The following TTC1 variants were observed in gnomAD, a reference collection of about 807,000 sequenced individuals.
TTC1 encodes tetratricopeptide repeat domain 1.
Under a neutral mutation model 37.6 loss-of-function variants are expected in TTC1, and 31 were observed. That is an observed-to-expected ratio of 0.82 (90% CI 0.62 to 1.11). The LOEUF (loss-of-function observed/expected upper bound fraction) is 1.11. TTC1 is among the 50% of genes most tolerant of loss of function. TTC1 has a pLI of 0.00. For synonymous variants in TTC1, 127 were observed against 122.4 expected, an observed-to-expected ratio of 1.04 and a Z score of -0.25; for missense variants, 351 against 339.0, an observed-to-expected ratio of 1.04 and a Z score of -0.28.
At chr5:160,022,980 G>A (rs769922579) in intron 2 of TTC1, among the ~76,000 whole-genome samples, 2 of 152,174 alleles carry the variant, frequency 1.3e-5, no homozygotes, top group Non-Finnish European at 2.9e-5. Flanking sequence ...AATTGGCCGG[G>A]TGCAGTGGCT....
chr5:160,023,183 T>C (rs1028282097), intron 2 of TTC1, among the ~76,000 whole-genome samples: 1 of 149,568 alleles, frequency 6.7e-6, no homozygotes, highest in Non-Finnish European at 1.5e-5. Flanking sequence ...TTGAACCCGG[T>C]AGGCGGAGGT....
At chr5:160,014,543 C>A (rs1307180515) in intron 2 of TTC1, among the ~76,000 whole-genome samples, 1 of 151,528 alleles carries the variant, frequency 6.6e-6, no homozygotes, top group South Asian at 2.1e-4. Context: ...TTTTAAAAAG[C>A]CTTTAAAAAT....
chr5:160,061,051 GT>G (rs1753372589), intron 7 of TTC1, among the ~76,000 whole-genome samples: 1 of 152,236 alleles, frequency 6.6e-6, no homozygotes, highest in Admixed American at 6.5e-5. Context: ...CAAGCTGTCA[GT>G]GGCCTCCTGT....
rs187383426 is a variant in TTC1, at chr5:160,025,265, C to T, written c.331-9875C>T. Among the ~76,000 whole-genome samples the T allele has an allele frequency of 1.2e-3, 179 of 152,266 alleles. 1 individual carries two copies. The highest frequency in any genetic ancestry group is 2.0e-3 in the Non-Finnish European group (137 of 68,008). ...CTGGTCTCGAACTCCTGACCTCAGG[C>T]AATCCACCTGCCTTGGCCTCCCAAA... On this transcript the variant is annotated intron_variant, in intron 2 of 7. Transcript: ENST00000231238.
At chr5:160,033,648 G>T (rs1581101279) in intron 2 of TTC1, among the ~76,000 whole-genome samples, 1 of 152,324 alleles carries the variant, frequency 6.6e-6, no homozygotes, top group Non-Finnish European at 1.5e-5. Flanking sequence ...GGAAAGTGAA[G>T]AGAAAGCTGA....
At position 160,049,536 on chromosome 5, in the gene TTC1, T is replaced by C; in HGVS notation, c.564T>C (p.Tyr188=). ...CAGCAATTCAATTAAACCCCAGCTA[T>C]ATCAGGGCAATATTGAGGAGAGCAG... ...CSKAIQLNPS[Y]IRAILRRAEL... Residue 188 remains tyrosine, a synonymous_variant, in exon 6 of 8, where the codon TAT becomes TAC. Coordinates refer to ENST00000231238, the MANE Select transcript of TTC1 (RefSeq NM_003314.3). 3 of 1,580,360 alleles carry C rather than the reference T, an allele frequency of 1.9e-6. No individual in the cohort carries two copies. The highest frequency in any genetic ancestry group is 2.6e-6 in the Non-Finnish European group (3 of 1,168,786).
intron 5 of TTC1, among the ~76,000 whole-genome samples, chr5:160,045,275 A>C (rs1561634525): frequency 6.6e-6 from 1 of 152,128 alleles, no homozygotes; most frequent in East Asian, 1.9e-4. Flanking sequence ...AAATGAGGGA[A>C]AGGAGAAGAA....
intron 5 of TTC1, among the ~76,000 whole-genome samples, chr5:160,044,075 G>A (rs533386137): frequency 7.2e-5 from 11 of 152,092 alleles, no homozygotes; most frequent in African/African-American, 2.2e-4. Context: ...TTTTTCTTGC[G>A]GCTTAGTCTC....
Position 160,057,772 on chromosome 5 carries a change from G to A in TTC1, c.745+6589G>A, listed in dbSNP as rs999831062. On this transcript the variant is annotated intron_variant, in intron 7 of 7. Coordinates refer to ENST00000231238, the MANE Select transcript of TTC1 (RefSeq NM_003314.3). This position sits in a 1 kb window ranked among gnomAD's most constrained non-coding sequence, Gnocchi z 4.4. ...TTATGTAATATTTGGGGGTTTGTGCGTGTGTGTGTGTGTGTGACACAGAGC... is the reference window on the plus strand; with the variant it reads ...TTATGTAATATTTGGGGGTTTGTGCATGTGTGTGTGTGTGTGACACAGAGC... Among the ~76,000 whole-genome samples, 22 of 150,434 alleles carry A rather than the reference G, an allele frequency of 1.5e-4. No individual in the cohort carries two copies. The highest frequency in any genetic ancestry group is 9.7e-5 in the African/African-American group (4 of 41,088).
chr5:160,013,525 A>G (rs533014799), intron 2 of TTC1, among the ~76,000 whole-genome samples: 1 of 151,948 alleles, frequency 6.6e-6, no homozygotes, highest in African/African-American at 2.4e-5. Flanking sequence ...CGGGCGGATC[A>G]TGAGGTCAGG....
chr5:160,019,534 G>A lies in TTC1; in HGVS notation c.330+8676G>A, dbSNP rs570881075. Among the ~76,000 whole-genome samples, 7 of 150,434 alleles carry A rather than the reference G, an allele frequency of 4.7e-5. No individual in the cohort carries two copies. The East Asian group carries it at 5.8e-4, about 13-fold the overall frequency. The stretch of plus-strand genomic sequence containing the variant: ...TAGTGGCCTGCATAGTCCTGTTAAC[G>A]TCATGAGCAACCTTTCTGATTTTGT... On this transcript the variant is annotated intron_variant, in intron 2 of 7. Transcript: ENST00000231238.
intron 2 of TTC1, among the ~76,000 whole-genome samples, chr5:160,026,524 A>G (rs1756809258): frequency 6.6e-6 from 1 of 152,168 alleles, no homozygotes; most frequent in Admixed American, 6.5e-5. Context: ...ATATTTTCCC[A>G]ATTTGTTGAC....
intron 7 of TTC1, among the ~76,000 whole-genome samples, chr5:160,056,768 A>C (rs4419626): frequency 0.7 from 106,132 of 151,964 alleles, 37,332 homozygotes; most frequent in African/African-American, 0.79. Flanking sequence ...GTGCCATATT[A>C]AAGAGCTATA....
chr5:160,023,021 C>T (rs1011740550), intron 2 of TTC1, among the ~76,000 whole-genome samples: 16 of 152,104 alleles, frequency 1.1e-4, no homozygotes, highest in African/African-American at 3.1e-4. Context: ...TTTGGGAGGC[C>T]GAGGTGGGCG....
chr5:160,033,711 A>G (rs1014330362), intron 2 of TTC1, among the ~76,000 whole-genome samples: 1 of 152,192 alleles, frequency 6.6e-6, no homozygotes, highest in Non-Finnish European at 1.5e-5. Flanking sequence ...AAGTGAACTC[A>G]CTATCATGAG....
rs41275305 is a variant in TTC1, at chr5:160,010,614, C to G, written c.86C>G (p.Ala29Gly). ...KVTDTQEAEC[A>G]GPPVPDPKNQ... Reference sequence around the variant, plus strand: ...ACAGATACTCAGGAAGCCGAGTGTGCTGGCCCTCCAGTTCCTGATCCCAAA... The same window carrying G: ...ACAGATACTCAGGAAGCCGAGTGTGGTGGCCCTCCAGTTCCTGATCCCAAA... Residue 29 changes from alanine to glycine, a missense_variant, in exon 2 of 8, where the codon GCT (alanine) becomes GGT (glycine). Transcript: ENST00000231238. The G allele has an allele frequency of 8.0e-3, 12,937 of 1,614,118 alleles. 123 individuals are homozygous for G. The highest frequency in any genetic ancestry group is 0.024 in the African/African-American group (1,830 of 75,038).
chr5:160,019,090 CA>C (rs1221906202), intron 2 of TTC1, among the ~76,000 whole-genome samples: 1 of 152,138 alleles, frequency 6.6e-6, no homozygotes, highest in Non-Finnish European at 1.5e-5. Flanking sequence ...AGCCAAAATG[CA>C]GATTTAGTCA....
chr5:160,030,787 CA>C (rs1480950850), intron 2 of TTC1, among the ~76,000 whole-genome samples: 16 of 152,152 alleles, frequency 1.1e-4, no homozygotes, highest in African/African-American at 3.9e-4. Flanking sequence ...AAGTATAATT[CA>C]AGATCAGATG....
At position 160,045,503 on chromosome 5, in the gene TTC1, CACACACACACAT is replaced by C. The variant is rs1325358157; in HGVS notation, c.541+2341_541+2352del. Among the ~76,000 whole-genome samples, 154 of 103,238 alleles carry C rather than the reference CACACACACACAT, an allele frequency of 1.5e-3. 2 individuals are homozygous for C. Among genetic ancestry groups the C allele is most frequent in the Middle Eastern group, 5.2e-3 (1 of 194 alleles). The allele number at this position is 103,238 out of a possible 152,430, so 67.7% of individuals were successfully genotyped here. On this transcript the variant is annotated intron_variant, in intron 5 of 7. Coordinates refer to ENST00000231238, the MANE Select transcript of TTC1 (RefSeq NM_003314.3). ...ACACACACACACACACACACACACA[CACACACACACAT>C]ACACACTCTCTCTCTCTCTCTCTCT...
Sources: allele counts gnomAD v4.1 joint callset (sites outside exome capture counted in the v4.1 genomes callset), GRCh38; gene constraint gnomAD v4.1.1; non-coding constraint Gnocchi (gnomAD v3.1); transcripts MANE v1.5; gene names NCBI Gene and HGNC (gene_info 2026-07-23, HGNC 2026-07-21).